SLIT3: variants seen among roughly 807,000 people sequenced by gnomAD.
The protein encoded by SLIT3 is slit guidance ligand 3, also known as slit homolog 3 protein.
SLIT3 carries 68 observed loss-of-function variants against 184.0 expected under a neutral mutation model. That is an observed-to-expected ratio of 0.37 (90% confidence interval 0.30 to 0.45). The LOEUF is 0.45. Ranked by LOEUF, SLIT3 falls within the 20% of genes least tolerant of loss-of-function variation. The pLI is 1.00. For missense variants in SLIT3, 1,707 were observed against 2,026.0 expected (o/e 0.84, Z 3.02); for synonymous variants, 831 against 828.6 (o/e 1.00, Z -0.05).
intron 4 of SLIT3, among the ~76,000 whole-genome samples, chr5:168,978,915 G>C (rs1161709539): frequency 6.6e-6 from 1 of 151,374 alleles, no homozygotes. Flanking sequence ...GCTCATTTCA[G>C]GGGGGTGTAG....
intron 29 of SLIT3, among the ~76,000 whole-genome samples, chr5:168,690,643 G>C (rs1475340751): frequency 1.3e-5 from 2 of 152,210 alleles, no homozygotes. Flanking sequence ...GGTGGAAGTA[G>C]GCGGGGAGGT....
intron 4 of SLIT3, among the ~76,000 whole-genome samples, chr5:168,926,845 A>G (rs1410313038): frequency 6.6e-6 from 1 of 152,186 alleles, no homozygotes; most frequent in African/African-American, 2.4e-5. Flanking sequence ...ACTCACACCT[A>G]TTAAGATGGC....
At chr5:169,021,954 A>G (rs1251413178) in intron 4 of SLIT3, among the ~76,000 whole-genome samples, 2 of 152,212 alleles carry the variant, frequency 1.3e-5, no homozygotes, top group Non-Finnish European at 2.9e-5. Flanking sequence ...GTACACATAT[A>G]GAACACACCC....
At chr5:168,823,119 G>A (rs1757586419) in intron 7 of SLIT3, 141 bp downstream of exon 7, 1 of 761,622 alleles carries the variant, frequency 1.3e-6, no homozygotes, top group Non-Finnish European at 2.4e-6. Context: ...GCACCCCTTG[G>A]TTAATAGCAG....
chr5:168,797,433 T>C (rs533305443), intron 9 of SLIT3, among the ~76,000 whole-genome samples: 1 of 152,312 alleles, frequency 6.6e-6, no homozygotes, highest in African/African-American at 2.4e-5. Flanking sequence ...CCCTCAGTTT[T>C]TGCAAGAGGA....
chr5:169,135,479 T>C (rs1422027414), intron 4 of SLIT3, among the ~76,000 whole-genome samples: 1 of 152,174 alleles, frequency 6.6e-6, no homozygotes. Flanking sequence ...ATTTAGCAGC[T>C]GTTAGCACAA....
At chr5:169,194,340 GT>G (rs1235039397) in intron 3 of SLIT3, among the ~76,000 whole-genome samples, 1 of 151,296 alleles carries the variant, frequency 6.6e-6, no homozygotes, top group Non-Finnish European at 1.5e-5. Flanking sequence ...GCAGATAGTA[GT>G]TGCTTCAGGA....
Position 168,697,383 on chromosome 5 carries a change from G to A in SLIT3, c.2943-952C>T, listed in dbSNP as rs149901619. Among the ~76,000 whole-genome samples the A allele has an allele frequency of 9.2e-5, 14 of 152,290 alleles. No individual in the cohort carries two copies. The East Asian group carries it at 2.1e-3, about 23-fold the overall frequency. ...CTTGGTCATATCCCCAGGACTGGGC[G>A]TGCAAGATCGGTTAGAACAGATAAA... On this transcript the variant is annotated intron_variant, in intron 27 of 35. Transcript: ENST00000519560.
chr5:168,824,880 C>T (rs1757649311), intron 6 of SLIT3, among the ~76,000 whole-genome samples: 1 of 152,196 alleles, frequency 6.6e-6, no homozygotes, highest in African/African-American at 2.4e-5. Flanking sequence ...ATGTCTTTTG[C>T]CCTTGGCTTT....
At chr5:168,891,556 T>C (rs564842692) in intron 4 of SLIT3, among the ~76,000 whole-genome samples, 4 of 152,212 alleles carry the variant, frequency 2.6e-5, no homozygotes, top group South Asian at 2.1e-4. Flanking sequence ...GAGAAATCAC[T>C]AGAGGGCAGG....
In SLIT3 at chr5:168,926,135, A is replaced by G. The variant is rs1292378286; in HGVS notation, c.414-42799T>C. Among the ~76,000 whole-genome samples, 3 of 152,164 alleles carry G rather than the reference A, an allele frequency of 2.0e-5. No homozygotes were observed. The East Asian group carries it at 5.8e-4, about 29-fold the overall frequency. The stretch of plus-strand genomic sequence containing the variant: ...CAGGATGGATGTGTCTATCTATCCA[A>G]CTGTGGGGAAAGGTGTGCACTACTC... On this transcript the variant is annotated intron_variant, in intron 4 of 35. Coordinates refer to ENST00000519560, the MANE Select transcript of SLIT3 (RefSeq NM_003062.4).
intron 4 of SLIT3, among the ~76,000 whole-genome samples, chr5:169,066,721 ATTTTTTTAAAAAGGATAT>A (rs1758360015): frequency 2.0e-5 from 3 of 152,190 alleles, no homozygotes; most frequent in Non-Finnish European, 4.4e-5. Context: ...ATACTCAAAT[ATTTTTTTAAAAAGGATAT>A]TAATTGAAAT....
chr5:169,097,243 CCT>C (rs1414866677), intron 4 of SLIT3, among the ~76,000 whole-genome samples: 1 of 152,192 alleles, frequency 6.6e-6, no homozygotes, highest in Non-Finnish European at 1.5e-5. Context: ...ACTTAAAACT[CCT>C]CTCTCTGCCT....
At chr5:169,245,215 C>T (rs759300386) in intron 2 of SLIT3, among the ~76,000 whole-genome samples, 21 of 152,226 alleles carry the variant, frequency 1.4e-4, no homozygotes, top group East Asian at 3.9e-4. Flanking sequence ...TATTGTGAAA[C>T]GACTGGCTGT....
At chr5:168,844,879 G>A in intron 5 of SLIT3, 1 of 356,024 alleles carries the variant, frequency 2.8e-6, no homozygotes, top group South Asian at 3.9e-5. Flanking sequence ...TCAGGTCTCA[G>A]TAAATATTAA....
chr5:169,102,853 C>T (rs1402881513), intron 4 of SLIT3, among the ~76,000 whole-genome samples: 6 of 152,190 alleles, frequency 3.9e-5, no homozygotes, highest in Non-Finnish European at 5.9e-5. Context: ...TGATATCTGA[C>T]GAAATACCTG....
At chr5:169,111,645 G>A (rs912787482) in intron 4 of SLIT3, among the ~76,000 whole-genome samples, 2 of 152,292 alleles carry the variant, frequency 1.3e-5, no homozygotes, top group South Asian at 4.2e-4. Context: ...CCAGCTACTC[G>A]GGAGGCTGAG....
intron 4 of SLIT3, among the ~76,000 whole-genome samples, chr5:169,132,578 A>G (rs898026230): frequency 2.0e-5 from 3 of 152,232 alleles, no homozygotes; most frequent in Non-Finnish European, 2.9e-5. Context: ...AGTAGATCTG[A>G]AATAGCAAAA....
chr5:169,054,865 T>C (rs1401435341), intron 4 of SLIT3, among the ~76,000 whole-genome samples: 1 of 152,158 alleles, frequency 6.6e-6, no homozygotes, highest in African/African-American at 2.4e-5. Context: ...TGGAAACCCC[T>C]GGCCTAGGGG....
Sources: allele counts gnomAD v4.1 joint callset (sites outside exome capture counted in the v4.1 genomes callset), GRCh38; gene constraint gnomAD v4.1.1; transcripts MANE v1.5; gene names NCBI Gene and HGNC (gene_info 2026-07-23, HGNC 2026-07-21).